The following TCF7L1 variants were observed in gnomAD, a reference collection of about 807,000 sequenced individuals.
TCF7L1 encodes the protein transcription factor 7-like 1.
Under a neutral mutation model 63.7 loss-of-function variants are expected in TCF7L1, and 18 were observed. The observed-to-expected ratio is 0.28, with a 90% confidence interval of 0.20 to 0.42. The LOEUF (loss-of-function observed/expected upper bound fraction) is 0.42, where lower values mean the gene tolerates loss of function less well. Ranked by LOEUF, TCF7L1 falls within the 10% of genes least tolerant of loss-of-function variation. The pLI is 1.00. For synonymous variants in TCF7L1, 355 were observed against 340.9 expected (o/e 1.04, Z -0.46); for missense variants, 654 against 779.3 (o/e 0.84, Z 1.91).
chr2:85,187,092 G>A (rs1172616214), intron 3 of TCF7L1: 1 of 152,212 alleles, frequency 6.6e-6, no homozygotes, highest in East Asian at 1.9e-4. Context: ...TTGTTGTCAA[G>A]TAGGTGGAAC....
At chr2:85,225,380 T>G (rs1466369214) in intron 3 of TCF7L1, among the ~76,000 whole-genome samples, 1 of 152,246 alleles carries the variant, frequency 6.6e-6, no homozygotes, top group Non-Finnish European at 1.5e-5. Context: ...TATGGCCATT[T>G]TCACGATATT....
At chr2:85,149,069 G>A (rs560444498) in intron 3 of TCF7L1, among the ~76,000 whole-genome samples, 3 of 152,180 alleles carry the variant, frequency 2.0e-5, no homozygotes, top group Admixed American at 1.3e-4. Context: ...GTCAGCCACC[G>A]CGCCCAGCCC....
rs1211400372 is a variant in TCF7L1, at chr2:85,309,320, T to G, written c.1625T>G (p.Leu542Arg). 4.3e-6 allele frequency: 7 copies of G among 1,613,186 alleles called. No individual in the cohort carries two copies. Among genetic ancestry groups the G allele is most frequent in the Non-Finnish European group, 5.9e-6 (7 of 1,179,878 alleles). The change falls in exon 12 of 12, where the codon CTG becomes CGG. Residue 542 changes from leucine (L) to arginine (R), a missense_variant. Around this residue, in one of 3 missense-constraint regions of TCF7L1, gnomAD observed 184 missense variants for 204.0 expected, o/e 0.90. Transcript: ENST00000282111. ...SGQMGSQPPL[L>R]SRPLPLGSMP... is the part of the protein sequence containing the mutation. The stretch of plus-strand genomic sequence containing the variant: ...CAGATGGGCAGCCAGCCTCCCCTCC[T>G]GTCCCGGCCCCTCCCCCTTGGGTCC...
intron 3 of TCF7L1, among the ~76,000 whole-genome samples, chr2:85,203,178 A>G (rs1013002251): frequency 1.3e-5 from 2 of 152,228 alleles, no homozygotes; most frequent in Middle Eastern, 3.4e-3. Flanking sequence ...TATTCTCCAT[A>G]GTTTCTCTGT....
intron 3 of TCF7L1, among the ~76,000 whole-genome samples, chr2:85,192,330 C>T (rs1679051842): frequency 6.6e-6 from 1 of 152,176 alleles, no homozygotes; most frequent in South Asian, 2.1e-4. Context: ...ATGGAGCTAG[C>T]AGTGAAAACA....
chr2:85,178,497 T>TG (rs1231667855), intron 3 of TCF7L1, among the ~76,000 whole-genome samples: 1 of 152,004 alleles, frequency 6.6e-6, no homozygotes, highest in Non-Finnish European at 1.5e-5. Flanking sequence ...AGGAGCAGGG[T>TG]GGCAGGGGTG....
rs772707693 is a variant in TCF7L1 at position 85,305,251 on chromosome 2, G to C, written c.846-9G>C. ...CCTCTGTTGCCATTTGTTTCTATCC[G>C]GTGCACAGCCTGGTCTCCAGTCGGT... On this transcript the variant is annotated splice_polypyrimidine_tract_variant and intron_variant, in intron 7 of 11. Transcript: ENST00000282111. The C allele has an allele frequency of 1.2e-6, 2 of 1,613,878 alleles. No homozygotes were observed. Among genetic ancestry groups the C allele is most frequent in the Non-Finnish European group, 1.7e-6 (2 of 1,180,002 alleles).
At chr2:85,263,950 G>A (rs1168556423) in intron 3 of TCF7L1, among the ~76,000 whole-genome samples, 1 of 152,232 alleles carries the variant, frequency 6.6e-6, no homozygotes, top group East Asian at 1.9e-4. Context: ...GGGTTTGGTA[G>A]TTAGGAGGTC....
chr2:85,150,935 A>C (rs1004917914), intron 3 of TCF7L1, among the ~76,000 whole-genome samples: 3 of 152,152 alleles, frequency 2.0e-5, no homozygotes, highest in African/African-American at 4.8e-5. Context: ...TCAGTTTTTA[A>C]AAATTGACAG....
At chr2:85,223,837 G>A (rs763975343) in intron 3 of TCF7L1, among the ~76,000 whole-genome samples, 7 of 152,008 alleles carry the variant, frequency 4.6e-5, no homozygotes, top group Admixed American at 2.6e-4. Flanking sequence ...TGTGCACAAC[G>A]TGCAGGTTTG....
chr2:85,236,789 A>G (rs947569799), intron 3 of TCF7L1, among the ~76,000 whole-genome samples: 4 of 152,184 alleles, frequency 2.6e-5, no homozygotes, highest in African/African-American at 4.8e-5. Context: ...AGGAGCGTCA[A>G]AAGTCTCATG....
chr2:85,136,570 T>C (rs990137763), intron 3 of TCF7L1, among the ~76,000 whole-genome samples: 2 of 152,192 alleles, frequency 1.3e-5, no homozygotes, highest in Non-Finnish European at 2.9e-5. Flanking sequence ...TCCTAGGACA[T>C]GTACTTTCTT....
At chr2:85,240,383 C>T (rs1558643206) in intron 3 of TCF7L1, among the ~76,000 whole-genome samples, 1 of 152,202 alleles carries the variant, frequency 6.6e-6, no homozygotes. Flanking sequence ...GATGGCAAAC[C>T]GGAGAGGAGT....
At chr2:85,215,181 T>C in intron 3 of TCF7L1, among the ~76,000 whole-genome samples, 1 of 152,212 alleles carries the variant, frequency 6.6e-6, no homozygotes, top group Non-Finnish European at 1.5e-5. Flanking sequence ...TGAAAAACAG[T>C]TGCCCTCTCT....
intron 3 of TCF7L1, among the ~76,000 whole-genome samples, chr2:85,163,357 C>G (rs900289547): frequency 6.6e-6 from 1 of 152,166 alleles, no homozygotes; most frequent in Non-Finnish European, 1.5e-5. Context: ...CCCCATAAGA[C>G]CATGGGCTGG....
Position 85,197,024 on chromosome 2 carries a change from C to T in TCF7L1, c.441+62574C>T, listed in dbSNP as rs573349257. Among the ~76,000 whole-genome samples, 631 of 152,330 alleles carry T rather than the reference C, an allele frequency of 4.1e-3. 1 individual carries two copies. The highest frequency in any genetic ancestry group is 0.01 in the Middle Eastern group (3 of 294). ...GGGCCTTGCGTGCAGGTTTCTCTGC[C>T]TAGGTTGGTGTTACCTCACTTCTCA... is the stretch of plus-strand genomic sequence containing the variant. On this transcript the variant is annotated intron_variant, in intron 3 of 11. Transcript: ENST00000282111.
intron 3 of TCF7L1, among the ~76,000 whole-genome samples, chr2:85,254,966 G>A (rs549716024): frequency 3.9e-5 from 6 of 152,316 alleles, no homozygotes; most frequent in East Asian, 3.9e-4. Context: ...AGAGCTGTCC[G>A]CAGCTGCAAC....
At chr2:85,238,745 G>A (rs567238860) in intron 3 of TCF7L1, among the ~76,000 whole-genome samples, 1 of 152,020 alleles carries the variant, frequency 6.6e-6, no homozygotes, top group South Asian at 2.1e-4. Flanking sequence ...GCTACTTTAG[G>A]TTGGATGGAC....
chr2:85,211,529 G>A (rs1679540054), intron 3 of TCF7L1, among the ~76,000 whole-genome samples: 1 of 152,192 alleles, frequency 6.6e-6, no homozygotes, highest in Non-Finnish European at 1.5e-5. Flanking sequence ...CTTCCAGGAG[G>A]GGCAACAGCT....
Sources: gnomAD v4.1 joint callset for allele counts (sites outside exome capture counted in the v4.1 genomes callset) on GRCh38, gnomAD v4.1.1 for gene constraint, gnomAD v4.1.1 regional missense constraint, MANE v1.5 for transcripts, NCBI Gene and HGNC (gene_info 2026-07-23, HGNC 2026-07-21) for gene names.